Variants in LCORL observed in about 807,000 individuals in gnomAD.
The protein encoded by LCORL is ligand-dependent nuclear receptor corepressor-like protein.
A neutral mutation model predicts 141.8 loss-of-function variants in LCORL; 41 were observed. That is an observed-to-expected ratio of 0.29 (90% confidence interval 0.23 to 0.38). The LOEUF is 0.38. Ranked by LOEUF, LCORL falls within the 10% of genes least tolerant of loss-of-function variation. LCORL has a pLI of 1.00. For synonymous variants in LCORL, 618 were observed against 694.1 expected (o/e 0.89, Z 1.72); for missense variants, 1,759 against 2,035.0 (o/e 0.86, Z 2.61).
chr4:17,952,617 G>A (rs926766789), intron 4 of LCORL, among the ~76,000 whole-genome samples: 3 of 152,006 alleles, frequency 2.0e-5, no homozygotes, highest in Admixed American at 1.3e-4. Flanking sequence ...GGGTTTCACC[G>A]TGTTATCCAG....
intron 7 of LCORL, among the ~76,000 whole-genome samples, chr4:17,861,858 C>G (rs988352420): frequency 1.3e-5 from 2 of 152,168 alleles, no homozygotes; most frequent in Non-Finnish European, 2.9e-5. Context: ...AGTCTCTTTG[C>G]TAAACATAAC....
chr4:17,956,550 CA>C (rs1245333913), intron 4 of LCORL, among the ~76,000 whole-genome samples: 1 of 151,284 alleles, frequency 6.6e-6, no homozygotes, highest in Non-Finnish European at 1.5e-5. Flanking sequence ...AAGCCAGGCA[CA>C]AAAAGACATA....
exon 8 of LCORL, chr4:17,841,247 A>G (rs1722372276): frequency 6.6e-6 from 1 of 152,014 alleles, no homozygotes; most frequent in Admixed American, 6.6e-5. Context: ...ATGCATGCTT[A>G]TTACAGAAGA....
rs571518807 is a variant in LCORL, at chr4:17,994,335, T to C, written c.155-21450A>G. On this transcript the variant is annotated intron_variant, in intron 1 of 7. Transcript: ENST00000635767. ...ATCAATATTCCGTCTCATGTCATGC[T>C]ACTCCCTGACCCCCGCACCTGCCAA... is the stretch of plus-strand genomic sequence containing the variant. 3.9e-5 allele frequency among the ~76,000 whole-genome samples: 6 copies of C among 152,284 alleles called. No homozygotes were observed. The South Asian group carries it at 1.0e-3, about 26-fold the overall frequency.
At chr4:17,927,383 T>A (rs1394367922) in intron 4 of LCORL, among the ~76,000 whole-genome samples, 1 of 152,260 alleles carries the variant, frequency 6.6e-6, no homozygotes, top group Non-Finnish European at 1.5e-5. Flanking sequence ...TTTGCTTTAT[T>A]ATTCATGTAT....
chr4:17,996,978 G>A (rs751879661), intron 1 of LCORL, among the ~76,000 whole-genome samples: 3 of 152,072 alleles, frequency 2.0e-5, no homozygotes, highest in Non-Finnish European at 2.9e-5. Flanking sequence ...CAACCATTCC[G>A]TAAGTAAATT....
chr4:17,945,364 G>A lies in LCORL; in HGVS notation c.430+16539C>T, dbSNP rs116819268. 7.8e-3 allele frequency among the ~76,000 whole-genome samples: 1,178 copies of A among 151,584 alleles called. 11 individuals carry two copies. The highest frequency in any genetic ancestry group is 0.027 in the African/African-American group (1,114 of 41,364). ...CAGAACTTCAACATTTTATAAAATAGTTGAGATGTTGGATTGATTCAGACA... is the reference window on the plus strand; with the variant it reads ...CAGAACTTCAACATTTTATAAAATAATTGAGATGTTGGATTGATTCAGACA... On this transcript the variant is annotated intron_variant, in intron 4 of 7. Coordinates refer to ENST00000635767, the Ensembl canonical transcript of LCORL.
chr4:17,995,811 T>C (rs2109798923), intron 1 of LCORL, among the ~76,000 whole-genome samples: 1 of 152,232 alleles, frequency 6.6e-6, no homozygotes, highest in Non-Finnish European at 1.5e-5. Context: ...TCTCATGAAA[T>C]ATAGAATGTA....
intron 1 of LCORL, among the ~76,000 whole-genome samples, chr4:17,975,859 A>C (rs1178819255): frequency 6.6e-6 from 1 of 152,220 alleles, no homozygotes; most frequent in East Asian, 1.9e-4. Flanking sequence ...GGAGGAATGT[A>C]CTATAAATGT....
intron 1 of LCORL, among the ~76,000 whole-genome samples, chr4:17,992,750 C>G (rs1169896615): frequency 6.6e-6 from 1 of 152,212 alleles, no homozygotes; most frequent in Admixed American, 6.5e-5. Context: ...TTACTCAGTA[C>G]TCAGACGATA....
At position 18,004,473 on chromosome 4, in the gene LCORL, C is replaced by T. The variant is rs529983616; in HGVS notation, c.154+17125G>A. Among the ~76,000 whole-genome samples the T allele has an allele frequency of 3.3e-5, 5 of 152,266 alleles. No individual in the cohort carries two copies. The East Asian group carries it at 9.7e-4, about 29-fold the overall frequency. Reference sequence around the variant, plus strand: ...CATCCCTTTTTTAAAACCGTCCGATCTCATGAAACTCATTCACTATCATGA... The same window carrying T: ...CATCCCTTTTTTAAAACCGTCCGATTTCATGAAACTCATTCACTATCATGA... On this transcript the variant is annotated intron_variant, in intron 1 of 7. Coordinates refer to ENST00000635767, the Ensembl canonical transcript of LCORL.
At chr4:17,987,337 T>C (rs1179710735) in intron 1 of LCORL, among the ~76,000 whole-genome samples, 2 of 152,198 alleles carry the variant, frequency 1.3e-5, no homozygotes, top group East Asian at 1.9e-4. Flanking sequence ...GTCTGGCTTC[T>C]TTCACTGAGC....
chr4:17,951,027 T>C (rs1040128395), intron 4 of LCORL, among the ~76,000 whole-genome samples: 5 of 152,216 alleles, frequency 3.3e-5, no homozygotes, highest in African/African-American at 9.6e-5. Flanking sequence ...GCTACTTCCA[T>C]GGATTCAGAC....
intron 1 of LCORL, among the ~76,000 whole-genome samples, chr4:17,989,531 A>C (rs1054243283): frequency 6.6e-6 from 1 of 152,244 alleles, no homozygotes; most frequent in African/African-American, 2.4e-5. Flanking sequence ...ATATTGAAAA[A>C]TTCTAGGTAC....
chr4:17,998,798 CT>C (rs1315681668), intron 1 of LCORL, among the ~76,000 whole-genome samples: 3 of 150,970 alleles, frequency 2.0e-5, no homozygotes, highest in Non-Finnish European at 4.4e-5. Flanking sequence ...AACCCTGTCT[CT>C]GCAAAAACCA....
At chr4:17,879,296 C>A (rs979218756) in intron 6 of LCORL, among the ~76,000 whole-genome samples, 1 of 150,902 alleles carries the variant, frequency 6.6e-6, no homozygotes, top group East Asian at 1.9e-4. Context: ...GGTAATATTT[C>A]ACTTATATTT....
chr4:17,880,304 T>C, intron 6 of LCORL: 1 of 369,496 alleles, frequency 2.7e-6, no homozygotes, highest in Non-Finnish European at 3.7e-6. Context: ...AAGAAAAACC[T>C]AGTAATGAGT....
exon 7 of LCORL, chr4:17,876,050 T>C: frequency 8.1e-7 from 1 of 1,231,116 alleles, no homozygotes; most frequent in African/African-American, 1.6e-5. Flanking sequence ...AAGTGCCAAC[T>C]GAAGTTAAAG....
At chr4:17,920,277 C>T (rs1734078550) in intron 4 of LCORL, among the ~76,000 whole-genome samples, 2 of 152,128 alleles carry the variant, frequency 1.3e-5, no homozygotes. Context: ...GGCCTCTGGT[C>T]ACAGAAGTCT....
Sources: gnomAD v4.1 joint callset for allele counts (sites outside exome capture counted in the v4.1 genomes callset) on GRCh38, gnomAD v4.1.1 for gene constraint, MANE v1.5 for transcripts, NCBI Gene and HGNC (gene_info 2026-07-23, HGNC 2026-07-21) for gene names.